SUPT6H: variants seen among roughly 807,000 people sequenced by gnomAD.
SUPT6H encodes the protein transcription elongation factor SPT6.
SUPT6H carries 11 observed loss-of-function variants against 222.3 expected under a neutral mutation model. The ratio of observed to expected loss-of-function variants is 0.05; its 90% CI spans 0.03 to 0.08. The LOEUF is 0.08. Among genes scored for constraint, SUPT6H ranks in the 10% least tolerant of loss-of-function variants. The probability of loss-of-function intolerance (pLI) is 1.00; values close to 1 mark genes in which losing one functional copy is unlikely to be tolerated. For missense variants in SUPT6H, 1,422 were observed against 2,216.0 expected (o/e 0.64, Z 7.19); for synonymous variants, 762 against 801.2 (o/e 0.95, Z 0.83).
At position 28,684,687 on chromosome 17, in the gene SUPT6H, G is replaced by A. The variant is rs989903505; in HGVS notation, c.2331G>A (p.Lys777=). The change falls in exon 18 of 37, where the codon AAG becomes AAA. Residue 777 remains lysine, a synonymous_variant. Coordinates refer to ENST00000314616, the MANE Select transcript of SUPT6H (RefSeq NM_003170.5). ...DDDFMDENQG[K]GIRVLGIAFS... ...ACTTTATGGACGAGAACCAAGGGAAGGGCATTCGAGTCCTCGGCATTGCTT... is the reference window on the plus strand; with the variant it reads ...ACTTTATGGACGAGAACCAAGGGAAAGGCATTCGAGTCCTCGGCATTGCTT... 6.2e-7 allele frequency: 1 copy of A among 1,614,206 alleles called. No individual in the cohort carries two copies. Among genetic ancestry groups the A allele is most frequent in the African/African-American group, 1.3e-5 (1 of 75,052 alleles).
Position 28,700,512 on chromosome 17 carries a change from C to T in SUPT6H, c.4806C>T (p.His1602=), listed in dbSNP as rs747530889. 22 of 1,612,894 alleles carry T rather than the reference C, an allele frequency of 1.4e-5. No individual in the cohort carries two copies. Among genetic ancestry groups the T allele is most frequent in the Admixed American group, 3.3e-5 (2 of 59,964 alleles). The part of the protein sequence containing the change: ...GGSGGGSSAY[H]VFPTPAQQPV... Reference sequence around the variant, plus strand: ...GTGGAGGCGGCAGCAGTGCTTACCACGTATGTGGCTTGGGGAGGAAGCTCC... The same window carrying T: ...GTGGAGGCGGCAGCAGTGCTTACCATGTATGTGGCTTGGGGAGGAAGCTCC... Residue 1602 remains histidine (H), a splice_region_variant and synonymous_variant, in exon 35 of 37, where the codon CAC becomes CAT. Coordinates refer to ENST00000314616, the MANE Select transcript of SUPT6H (RefSeq NM_003170.5).
chr17:28,700,935 C>T lies in SUPT6H; in HGVS notation c.4807-6C>T. ...CATCCCTATTTAACTGTTCATGCCT[C>T]TCCAGGTATTCCCAACGCCAGCCCA... On this transcript the variant is annotated splice_region_variant and splice_polypyrimidine_tract_variant and intron_variant, in intron 35 of 36. Transcript: ENST00000314616. 1.2e-6 allele frequency: 2 copies of T among 1,609,446 alleles called. No individual in the cohort carries two copies. The highest frequency in any genetic ancestry group is 2.2e-5 in the East Asian group (1 of 44,734).
At chr17:28,698,107 T>G (rs926249238) in intron 32 of SUPT6H, 77 bp downstream of exon 32, 9 of 1,516,024 alleles carry the variant, frequency 5.9e-6, no homozygotes, top group Non-Finnish European at 6.2e-6. Context: ...CCCGGAGCAG[T>G]GCCCTCTCTG....
chr17:28,701,987 C>CA lies in SUPT6H; in HGVS notation c.*363dup, dbSNP rs1242838619. On this transcript the variant is annotated 3_prime_UTR_variant, in exon 37 of 37. Transcript: ENST00000314616. ...ACCGGACTCTGGGCTGTGACTGGGGCACCAAACTCAGCACATGAGTCTCCC... is the reference window on the plus strand; with the variant it reads ...ACCGGACTCTGGGCTGTGACTGGGGCAACCAAACTCAGCACATGAGTCTCCC... The CA allele has an allele frequency of 1.5e-5, 3 of 202,052 alleles. No homozygotes were observed. Among genetic ancestry groups the CA allele is most frequent in the African/African-American group, 4.6e-5 (2 of 43,710 alleles). The allele number at this position is 202,052 out of a possible 1,614,324, so 12.5% of individuals were successfully genotyped here. A position where few individuals can be genotyped will look rare whatever the true frequency, so the allele number is the denominator to read the frequency against.
chr17:28,676,625 T>G (rs1229211115), intron 7 of SUPT6H, among the ~76,000 whole-genome samples, 195 bp downstream of exon 7: 7 of 152,142 alleles, frequency 4.6e-5, no homozygotes, highest in African/African-American at 1.7e-4. Context: ...ACTGTTTTCT[T>G]TAGAAATCTG....
rs767985547 is a variant in SUPT6H at position 28,683,247 on chromosome 17, AT to A, written c.1879-19del. 6.2e-7 allele frequency: 1 copy of A among 1,611,252 alleles called. No individual in the cohort carries two copies. Among genetic ancestry groups the A allele is most frequent in the East Asian group, 2.2e-5 (1 of 44,824 alleles). On this transcript the variant is annotated intron_variant, in intron 15 of 36. Coordinates refer to ENST00000314616, the MANE Select transcript of SUPT6H (RefSeq NM_003170.5). ...GGCCCAGCCCATCCGCAGGCTCATGATTCCCCCTTCATGTGTGCAGGATGTG... is the reference window on the plus strand; with the variant it reads ...GGCCCAGCCCATCCGCAGGCTCATGATCCCCCTTCATGTGTGCAGGATGTG...
intron 29 of SUPT6H, 82 bp downstream of exon 29, chr17:28,695,629 T>A: frequency 6.9e-7 from 1 of 1,449,020 alleles, no homozygotes; most frequent in South Asian, 1.3e-5. Flanking sequence ...AGGATGCACA[T>A]GTGTCAGTCT....
intron 28 of SUPT6H, 126 bp downstream of exon 28, chr17:28,693,962 T>TAAAA: frequency 1.6e-6 from 2 of 1,288,594 alleles, no homozygotes; most frequent in Non-Finnish European, 2.2e-6. Context: ...GGGAAGTGTT[T>TAAAA]CAGGGAAGAT....
Position 28,700,208 on chromosome 17 carries a change from C to T in SUPT6H, c.4597C>T (p.Pro1533Ser). Residue 1533 changes from proline (P) to serine (S), a missense_variant, in exon 34 of 37, where the codon CCT becomes TCT. Around this residue, in one of 13 missense-constraint regions of SUPT6H, gnomAD observed 395 missense variants for 580.6 expected, o/e 0.68. Transcript: ENST00000314616. ...TPSSSSRTRTPASINATPANI... is the reference protein window; with the variant it reads ...TPSSSSRTRTSASINATPANI... ...TAGCAGCAGCAGCAGGACCCGGACA[C>T]CTGCCTCTATCAATGCTACCCCAGC... 1.2e-6 allele frequency: 2 copies of T among 1,614,250 alleles called. No homozygotes were observed. The highest frequency in any genetic ancestry group is 1.7e-6 in the Non-Finnish European group (2 of 1,180,040).
At chr17:28,675,220 C>T in intron 5 of SUPT6H, 58 bp downstream of exon 5, 8 of 1,549,066 alleles carry the variant, frequency 5.2e-6, no homozygotes, top group Non-Finnish European at 7.0e-6. Context: ...TTTCCTGGCC[C>T]ATGGGAACAG....
Position 28,681,234 on chromosome 17 carries a change from C to T in SUPT6H, c.1350-22C>T, listed in dbSNP as rs749169562. On this transcript the variant is annotated intron_variant, in intron 11 of 36. Coordinates refer to ENST00000314616, the MANE Select transcript of SUPT6H (RefSeq NM_003170.5). Reference sequence around the variant, plus strand: ...ACCCTTTCTGCAGTGATGACTGAAACCTTATGTCTCTTCTTTTTCAGGCTC... The same window carrying T: ...ACCCTTTCTGCAGTGATGACTGAAATCTTATGTCTCTTCTTTTTCAGGCTC... The T allele has an allele frequency of 2.3e-5, 37 of 1,612,894 alleles. No homozygotes were observed. In the South Asian group the frequency reaches 3.7e-4, roughly 16 times the overall value.
chr17:28,678,030 A>C, intron 8 of SUPT6H, 46 bp from the exon 9 acceptor site: 1 of 1,577,818 alleles, frequency 6.3e-7, no homozygotes. Flanking sequence ...TGGTAAGACA[A>C]ACCAAGTAAA....
At chr17:28,699,680 AG>A (rs2032055649) in intron 32 of SUPT6H, 100 bp from the exon 33 acceptor site, 1 of 953,964 alleles carries the variant, frequency 1.0e-6, no homozygotes, top group African/African-American at 1.6e-5. Context: ...CCTTTCCCCT[AG>A]CACCCAGAAT....
intron 27 of SUPT6H, among the ~76,000 whole-genome samples, chr17:28,693,000 CAAAA>C (rs1249471749): frequency 3.6e-5 from 3 of 84,412 alleles, no homozygotes; most frequent in Admixed American, 1.3e-4. Context: ...GACTCTGTCT[CAAAA>C]AAAAAAAAAA....
chr17:28,682,949 C>T lies in SUPT6H; in HGVS notation c.1735C>T (p.Pro579Ser). ...LAKDYVCSQF[P>S]TPEAVLEGAR... is the part of the protein sequence containing the mutation. ...GCACCATTTTCCCCACAGCCAGTTC[C>T]CTACTCCAGAAGCTGTGCTAGAAGG... The change falls in exon 15 of 37, where the codon CCT (proline) becomes TCT (serine). Residue 579 changes from proline (P) to serine (S), a missense_variant. Physicochemically the swap from Pro to Ser is moderately conservative, Grantham distance 74. Around this residue, in one of 13 missense-constraint regions of SUPT6H, gnomAD observed 121 missense variants for 158.0 expected, o/e 0.77. Transcript: ENST00000314616. 1.2e-6 allele frequency: 2 copies of T among 1,611,950 alleles called. No homozygotes were observed. Among genetic ancestry groups the T allele is most frequent in the South Asian group, 1.1e-5 (1 of 90,910 alleles).
rs2031219921 is a variant in SUPT6H at position 28,683,405 on chromosome 17, T to C, written c.2016T>C (p.Asp672=). The C allele has an allele frequency of 1.2e-6, 2 of 1,613,884 alleles. No homozygotes were observed. The highest frequency in any genetic ancestry group is 1.7e-5 in the Admixed American group (1 of 59,976). The change falls in exon 16 of 37, where the codon GAT becomes GAC. Residue 672 remains aspartate (D), a synonymous_variant. Coordinates refer to ENST00000314616, the MANE Select transcript of SUPT6H (RefSeq NM_003170.5). ...EGLLTTDISI[D]LKGVEGYGND... ...TCCTCACCACTGACATCAGCATAGA[T>C]TTGAAGGGAGTGGAAGGGTAAGCAG...
intron 1 of SUPT6H, among the ~76,000 whole-genome samples, chr17:28,663,017 A>T (rs1281795826): frequency 1.3e-5 from 2 of 152,134 alleles, no homozygotes; most frequent in Admixed American, 1.3e-4. Flanking sequence ...GGAGAAGTTA[A>T]TTTTCCTGGG....
chr17:28,701,067 C>G lies in SUPT6H; in HGVS notation c.4933C>G (p.Gln1645Glu), dbSNP rs780772435. 1 of 1,613,852 alleles carries G rather than the reference C, an allele frequency of 6.2e-7. No homozygotes were observed. The highest frequency in any genetic ancestry group is 1.3e-5 in the African/African-American group (1 of 74,944). Residue 1645 changes from glutamine to glutamate, a missense_variant, in exon 36 of 37, where the codon CAG (glutamine) becomes GAG (glutamate). This residue lies in a region of SUPT6H where 395 missense variants were observed against 580.6 expected (regional missense o/e 0.68). Transcript: ENST00000314616. ...CCAGCTCCAGGCCAGCACCACCCCACAGTCGGCCCAGGCCCAGCCCCAGCC... is the reference window on the plus strand; with the variant it reads ...CCAGCTCCAGGCCAGCACCACCCCAGAGTCGGCCCAGGCCCAGCCCCAGCC... The part of the protein sequence containing the change: ...YHQLQASTTP[Q>E]SAQAQPQPSS...
intron 27 of SUPT6H, among the ~76,000 whole-genome samples, chr17:28,692,525 C>A (rs1248371068): frequency 6.9e-6 from 1 of 145,422 alleles, no homozygotes; most frequent in Non-Finnish European, 1.5e-5. Flanking sequence ...CAAAAAAAAA[C>A]ACAAAAGGGA....
Sources: allele counts gnomAD v4.1 joint callset (sites outside exome capture counted in the v4.1 genomes callset), GRCh38; gene constraint gnomAD v4.1.1; regional missense constraint gnomAD v4.1.1; transcripts MANE v1.5; gene names NCBI Gene and HGNC (gene_info 2026-07-23, HGNC 2026-07-21).